The following NSRP1 variants were observed in gnomAD, a reference collection of about 807,000 sequenced individuals.
The protein encoded by NSRP1 is nuclear speckle splicing regulatory protein 1, also known as coiled-coil domain containing 55.
In NSRP1, 24 loss-of-function variants were observed where a neutral mutation model predicts 54.7. That is an observed-to-expected ratio of 0.44 (90% CI 0.32 to 0.62). The LOEUF is 0.62. NSRP1 is among the 20% of genes least tolerant of loss of function. The pLI, the probability that NSRP1 is intolerant of heterozygous loss-of-function variation, is 0.06. For synonymous variants in NSRP1, 210 were observed against 213.8 expected (o/e 0.98, Z 0.15); for missense variants, 596 against 651.2 (o/e 0.92, Z 0.92).
At chr17:30,152,811 CTCTT>C (rs1220866023) in intron 2 of NSRP1, among the ~76,000 whole-genome samples, 2 of 148,014 alleles carry the variant, frequency 1.4e-5, no homozygotes, top group Non-Finnish European at 3.0e-5. Context: ...ACATACGTTT[CTCTT>C]TAATTCTATT....
intron 2 of NSRP1, among the ~76,000 whole-genome samples, chr17:30,119,058 T>C (rs1030203521): frequency 1.3e-5 from 2 of 151,586 alleles, no homozygotes; most frequent in Admixed American, 6.6e-5. Flanking sequence ...AATATGTGCT[T>C]TTCCAATACT....
intron 2 of NSRP1, among the ~76,000 whole-genome samples, chr17:30,157,020 G>T (rs1904335128): frequency 6.6e-6 from 1 of 152,104 alleles, no homozygotes; most frequent in Non-Finnish European, 1.5e-5. Flanking sequence ...TAGTGATATT[G>T]CTGGATCTTA....
At chr17:30,167,307 G>A (rs1904767978) in intron 2 of NSRP1, among the ~76,000 whole-genome samples, 1 of 152,042 alleles carries the variant, frequency 6.6e-6, no homozygotes, top group African/African-American at 2.4e-5. Flanking sequence ...AAAAAGACTT[G>A]ACCTTTAAAA....
At chr17:30,182,890 C>T (rs1480024612) in intron 6 of NSRP1, among the ~76,000 whole-genome samples, 1 of 152,044 alleles carries the variant, frequency 6.6e-6, no homozygotes, top group East Asian at 1.9e-4. Context: ...GCTGAGATTG[C>T]GCCACTGCAC....
chr17:30,133,955 T>TTTCAGCCTGTCTCGCC, intron 2 of NSRP1, among the ~76,000 whole-genome samples: 1 of 152,382 alleles, frequency 6.6e-6, no homozygotes, highest in East Asian at 1.9e-4. Flanking sequence ...GAAGCCTAGC[T>TTTCAGCCTGTCTCGCC]TTCAGCCTGT....
chr17:30,141,686 G>GTTAA (rs2071806654), intron 2 of NSRP1, among the ~76,000 whole-genome samples: 1 of 152,060 alleles, frequency 6.6e-6, no homozygotes, highest in Admixed American at 6.6e-5. Context: ...ATTGGTTATC[G>GTTAA]TGACAATTTT....
intron 2 of NSRP1, among the ~76,000 whole-genome samples, chr17:30,140,988 G>GA (rs1439255025): frequency 2.6e-5 from 4 of 151,918 alleles, no homozygotes; most frequent in African/African-American, 4.8e-5. Context: ...TAATTTAAAA[G>GA]AAAAAATTGT....
intron 2 of NSRP1, among the ~76,000 whole-genome samples, chr17:30,152,215 C>T (rs534834576): frequency 7.9e-5 from 12 of 151,822 alleles, no homozygotes; most frequent in South Asian, 2.1e-4. Context: ...CTCTGCTTCC[C>T]GGGTTCAAGC....
chr17:30,127,868 C>T, intron 2 of NSRP1: 1 of 397,684 alleles, frequency 2.5e-6, no homozygotes, highest in African/African-American at 2.1e-5. Context: ...GGATCTTGCT[C>T]TTTCACCCAG....
chr17:30,116,893 G>T (rs752817493), intron 1 of NSRP1, 30 bp downstream of exon 1: 2 of 1,565,096 alleles, frequency 1.3e-6, no homozygotes, highest in Non-Finnish European at 1.7e-6. Context: ...GGGTCAGGCT[G>T]GGGGATGAGA....
intron 5 of NSRP1, among the ~76,000 whole-genome samples, chr17:30,179,621 G>A (rs1405188929): frequency 2.6e-5 from 4 of 152,016 alleles, no homozygotes; most frequent in Non-Finnish European, 5.9e-5. Context: ...GCATTTGTCA[G>A]AAACAATATA....
chr17:30,175,437 T>A (rs550035165), intron 3 of NSRP1, among the ~76,000 whole-genome samples: 5 of 151,980 alleles, frequency 3.3e-5, no homozygotes, highest in African/African-American at 1.2e-4. Context: ...TTTGTTTTGT[T>A]TTTGTTTTTG....
intron 2 of NSRP1, among the ~76,000 whole-genome samples, chr17:30,167,024 T>C (rs1451365384): frequency 6.6e-6 from 1 of 152,192 alleles, no homozygotes; most frequent in East Asian, 1.9e-4. Flanking sequence ...AGCTTCTCTT[T>C]ATCCTCCCCA....
chr17:30,163,041 G>A (rs186498340), intron 2 of NSRP1: 2 of 151,898 alleles, frequency 1.3e-5, no homozygotes, highest in Non-Finnish European at 2.9e-5. Context: ...CACCATGCCT[G>A]GCTAATTTTT....
At chr17:30,133,746 A>G (rs944637462) in intron 2 of NSRP1, among the ~76,000 whole-genome samples, 4 of 152,194 alleles carry the variant, frequency 2.6e-5, no homozygotes, top group Non-Finnish European at 5.9e-5. Flanking sequence ...GGTTTTCTGG[A>G]TAACTTACTG....
intron 2 of NSRP1, among the ~76,000 whole-genome samples, chr17:30,134,001 TC>T (rs2071725911): frequency 6.6e-6 from 1 of 152,248 alleles, no homozygotes; most frequent in Non-Finnish European, 1.5e-5. Context: ...ATCAGCTTAA[TC>T]ATTTCCAGCT....
intron 2 of NSRP1, among the ~76,000 whole-genome samples, chr17:30,156,820 A>T (rs948156578): frequency 6.6e-6 from 1 of 152,056 alleles, no homozygotes; most frequent in African/African-American, 2.4e-5. Flanking sequence ...TGCCCCGCTG[A>T]TTCCATTCTT....
Position 30,186,033 on chromosome 17 carries a change from G to T in NSRP1, c.*359G>T, listed in dbSNP as rs552317425. ...GCCTGTAATACCAACATTTTGGGAG[G>T]CCAAGGCAGAAGGATATTGAGGCTA... On this transcript the variant is annotated 3_prime_UTR_variant, in exon 7 of 7. Transcript: ENST00000247026. The T allele has an allele frequency of 1.6e-4, 26 of 158,512 alleles. No homozygotes were observed. In the East Asian group the frequency reaches 4.6e-3, roughly 28 times the overall value. The allele number at this position is 158,512 out of a possible 1,614,324, so 9.8% of individuals were successfully genotyped here.
chr17:30,143,328 G>A (rs553667734), intron 2 of NSRP1, among the ~76,000 whole-genome samples: 1 of 152,264 alleles, frequency 6.6e-6, no homozygotes, highest in Admixed American at 6.5e-5. Context: ...AAGATAAGAA[G>A]CAGCATTTGG....
Sources: allele counts gnomAD v4.1 joint callset (sites outside exome capture counted in the v4.1 genomes callset), GRCh38; gene constraint gnomAD v4.1.1; transcripts MANE v1.5; gene names NCBI Gene and HGNC (gene_info 2026-07-23, HGNC 2026-07-21).